PLCE1: variants seen among roughly 807,000 people sequenced by gnomAD.
PLCE1 encodes the protein 1-phosphatidylinositol 4,5-bisphosphate phosphodiesterase epsilon-1.
In PLCE1, 119 loss-of-function variants were observed where a neutral mutation model predicts 242.8. The observed-to-expected ratio is 0.49, with a 90% CI of 0.42 to 0.57. PLCE1 has a LOEUF of 0.57. Among genes scored for constraint, PLCE1 ranks in the 20% least tolerant of loss-of-function variants. The pLI, the probability that PLCE1 is intolerant of heterozygous loss-of-function variation, is 0.00. For synonymous variants in PLCE1, 945 were observed against 1,017.4 expected (o/e 0.93, Z 1.35); for missense variants, 2,441 against 2,788.8 (o/e 0.88, Z 2.81).
At chr10:94,190,209 G>A (rs919938357) in intron 4 of PLCE1, among the ~76,000 whole-genome samples, 4 of 152,226 alleles carry the variant, frequency 2.6e-5, no homozygotes, top group Non-Finnish European at 5.9e-5. Flanking sequence ...GTGCCCAGGA[G>A]GCAGAGGTTG....
At chr10:94,110,063 T>TTC (rs1564697416) in intron 2 of PLCE1, among the ~76,000 whole-genome samples, 1 of 107,746 alleles carries the variant, frequency 9.3e-6, no homozygotes, top group African/African-American at 3.4e-5. Context: ...TTTTTCTTTT[T>TTC]TTTTTTTTTT....
At chr10:94,044,504 A>G (rs2061839560) in intron 2 of PLCE1, among the ~76,000 whole-genome samples, 1 of 152,248 alleles carries the variant, frequency 6.6e-6, no homozygotes, top group African/African-American at 2.4e-5. Flanking sequence ...GTAAAACTAT[A>G]TGTTTTGTAT....
intron 3 of PLCE1, among the ~76,000 whole-genome samples, chr10:94,159,568 A>C (rs1396744648): frequency 2.6e-5 from 4 of 152,226 alleles, no homozygotes; most frequent in African/African-American, 9.6e-5. Flanking sequence ...AAAGCAAAGG[A>C]AAATGGATAG....
intron 4 of PLCE1, among the ~76,000 whole-genome samples, chr10:94,211,481 A>G (rs1564792327): frequency 6.6e-6 from 1 of 152,240 alleles, no homozygotes; most frequent in African/African-American, 2.4e-5. Flanking sequence ...AGAGAAATGG[A>G]CTAAATAATG....
intron 6 of PLCE1, chr10:94,235,571 G>T (rs1240932274): frequency 4.7e-6 from 1 of 211,100 alleles, no homozygotes; most frequent in African/African-American, 2.4e-5. Flanking sequence ...TTTACTCATG[G>T]TTTTTCTCAG....
At chr10:94,163,708 G>C (rs1190102293) in intron 3 of PLCE1, among the ~76,000 whole-genome samples, 1 of 152,104 alleles carries the variant, frequency 6.6e-6, no homozygotes, top group East Asian at 1.9e-4. Flanking sequence ...TATGATGTTA[G>C]CTGGTTATTT....
Position 94,031,722 on chromosome 10 carries a change from C to G in PLCE1, c.676C>G (p.Gln226Glu). 6.2e-7 allele frequency: 1 copy of G among 1,613,650 alleles called. No individual in the cohort carries two copies. The highest frequency in any genetic ancestry group is 1.3e-5 in the African/African-American group (1 of 74,970). Residue 226 changes from glutamine (Q) to glutamate (E), a missense_variant, in exon 2 of 33, where the codon CAA becomes GAA. Physicochemically the swap from Gln to Glu is conservative, Grantham distance 29 (BLOSUM62 2). Transcript: ENST00000371380. ...ACCACTACCTGGGGGTGAGGAGAAGCAAAAGAAAAACTATGTGGCATATAC... is the reference window on the plus strand; with the variant it reads ...ACCACTACCTGGGGGTGAGGAGAAGGAAAAGAAAAACTATGTGGCATATAC... ...CVPLPGGEEK[Q>E]KKNYVAYTCK... is the part of the protein sequence containing the mutation.
intron 22 of PLCE1, among the ~76,000 whole-genome samples, chr10:94,287,849 C>T (rs2052513892): frequency 6.6e-6 from 1 of 152,102 alleles, no homozygotes; most frequent in Non-Finnish European, 1.5e-5. Context: ...ACACTGCCGT[C>T]TTTCTAGTGC....
intron 2 of PLCE1, among the ~76,000 whole-genome samples, chr10:94,110,591 T>C (rs563118974): frequency 6.6e-6 from 1 of 152,336 alleles, no homozygotes; most frequent in East Asian, 1.9e-4. Context: ...AAAAACTTGG[T>C]TAATACATTA....
intron 4 of PLCE1, among the ~76,000 whole-genome samples, chr10:94,175,603 C>T (rs1304116881): frequency 1.3e-5 from 2 of 152,050 alleles, no homozygotes; most frequent in Admixed American, 6.6e-5. Flanking sequence ...TTTAAATGTA[C>T]AATTAAATTA....
intron 29 of PLCE1, among the ~76,000 whole-genome samples, chr10:94,318,797 A>G (rs1456082469): frequency 3.9e-5 from 6 of 152,236 alleles, no homozygotes; most frequent in Admixed American, 2.0e-4. Flanking sequence ...ACGGTGGCTC[A>G]CACCTGTAAT....
chr10:94,071,495 G>GTTTTTTTTTTTTTTTGTTGTT lies in PLCE1; in HGVS notation c.1206+39258_1206+39259insGTTGTTTTTTTTTTTTTTTTT, dbSNP rs2044353719. Among the ~76,000 whole-genome samples, 298 of 83,256 alleles carry GTTTTTTTTTTTTTTTGTTGTT rather than the reference G, an allele frequency of 3.6e-3. 2 individuals carry two copies. The highest frequency in any genetic ancestry group is 0.012 in the Middle Eastern group (1 of 84). 54.6% of individuals were successfully genotyped at this position (83,256 alleles called of 152,430 possible). A position where few individuals can be genotyped will look rare whatever the true frequency, so the allele number is the denominator to read the frequency against. On this transcript the variant is annotated intron_variant, in intron 2 of 32. Coordinates refer to ENST00000371380, the MANE Select transcript of PLCE1 (RefSeq NM_016341.4). ...GTCTGTGTGTGTGTGTTTGGTTTTC[G>GTTTTTTTTTTTTTTTGTTGTT]TTTTTTTTTTTTTTTTTTTTTGAGT...
chr10:94,207,788 T>C (rs1443485430), intron 4 of PLCE1, among the ~76,000 whole-genome samples: 1 of 152,150 alleles, frequency 6.6e-6, no homozygotes, highest in Non-Finnish European at 1.5e-5. Context: ...CCAGTGATGA[T>C]GGAAACATAT....
At chr10:94,145,543 A>C (rs909673207) in intron 3 of PLCE1, among the ~76,000 whole-genome samples, 1 of 152,036 alleles carries the variant, frequency 6.6e-6, no homozygotes, top group Non-Finnish European at 1.5e-5. Flanking sequence ...AAAATTGGGA[A>C]TCTTGCATTA....
intron 16 of PLCE1, among the ~76,000 whole-genome samples, chr10:94,267,129 A>G (rs982718306): frequency 8.5e-5 from 13 of 152,244 alleles, no homozygotes; most frequent in Non-Finnish European, 1.8e-4. Flanking sequence ...ACATATAAAT[A>G]CAGATACTTA....
rs547063575 is a variant in PLCE1 at position 94,246,698 on chromosome 10, TTCATGC to T, written c.3096+80_3096+85del. The T allele has an allele frequency of 2.0e-4, 264 of 1,347,674 alleles. 3 individuals carry two copies. In the South Asian group the frequency reaches 3.0e-3, roughly 15 times the overall value. 83.5% of individuals were successfully genotyped at this position (1,347,674 alleles called of 1,614,324 possible). Reference sequence around the variant, plus strand: ...CACACTGGGTGACCAGACCACCAGGTTCATGCTCCCAGCTCTGACAGTTACTACCTG... The same window carrying T: ...CACACTGGGTGACCAGACCACCAGGTTCCCAGCTCTGACAGTTACTACCTG... On this transcript the variant is annotated intron_variant, in intron 8 of 32. Transcript: ENST00000371380.
chr10:94,067,921 G>A (rs1260526865), intron 2 of PLCE1, among the ~76,000 whole-genome samples: 6 of 152,080 alleles, frequency 3.9e-5, no homozygotes, highest in Non-Finnish European at 7.4e-5. Context: ...TTGGGGAAGG[G>A]GAACATGCAA....
intron 4 of PLCE1, among the ~76,000 whole-genome samples, chr10:94,207,391 T>C (rs1298217428): frequency 2.0e-5 from 3 of 152,174 alleles, no homozygotes; most frequent in African/African-American, 4.8e-5. Flanking sequence ...GAAATGATAC[T>C]TACAAACACA....
At position 94,171,256 on chromosome 10, in the gene PLCE1, C is replaced by G. The variant is rs2047966560; in HGVS notation, c.1569C>G (p.Ile523Met). Residue 523 changes from isoleucine (I) to methionine (M), a missense_variant, in exon 4 of 33, where the codon ATC (isoleucine) becomes ATG (methionine). Ile to Met is a conservative substitution (Grantham distance 10). Transcript: ENST00000371380. ...CAGCTGGGATCAGCAAGGAGCTGATCGATCTGCAGCCTCTCATCCAGTTCC... is the reference window on the plus strand; with the variant it reads ...CAGCTGGGATCAGCAAGGAGCTGATGGATCTGCAGCCTCTCATCCAGTTCC... ...SSSAGISKEL[I>M]DLQPLIQFPE... 2 of 1,614,138 alleles carry G rather than the reference C, an allele frequency of 1.2e-6. No homozygotes were observed. Among genetic ancestry groups the G allele is most frequent in the Admixed American group, 1.7e-5 (1 of 60,030 alleles).
Sources: gnomAD v4.1 joint callset for allele counts (sites outside exome capture counted in the v4.1 genomes callset) on GRCh38, gnomAD v4.1.1 for gene constraint, MANE v1.5 for transcripts, NCBI Gene and HGNC (gene_info 2026-07-23, HGNC 2026-07-21) for gene names.